Variants in EBF1 observed in about 807,000 individuals in gnomAD.
EBF1 encodes the protein transcription factor COE1.
EBF1 carries 10 observed loss-of-function variants against 68.4 expected under a neutral mutation model. That is an observed-to-expected ratio of 0.15 (90% confidence interval 0.09 to 0.25). EBF1 has a LOEUF of 0.25. Ranked by LOEUF, EBF1 falls within the 10% of genes least tolerant of loss-of-function variation. The pLI is 1.00. For missense variants in EBF1, 509 were observed against 794.4 expected, an observed-to-expected ratio of 0.64 and a Z score of 4.32; for synonymous variants, 298 against 299.8, an observed-to-expected ratio of 0.99 and a Z score of 0.06.
chr5:159,004,665 T>C (rs1763211285), intron 6 of EBF1, among the ~76,000 whole-genome samples: 1 of 152,168 alleles, frequency 6.6e-6, no homozygotes, highest in South Asian at 2.1e-4. Flanking sequence ...ATGAATTCCA[T>C]GTTTCCCTAC....
chr5:159,066,169 G>C (rs528894891), intron 6 of EBF1, among the ~76,000 whole-genome samples: 1 of 152,102 alleles, frequency 6.6e-6, no homozygotes, highest in Non-Finnish European at 1.5e-5. Context: ...CTGCTCTGTA[G>C]CATATGGCAA....
intron 6 of EBF1, among the ~76,000 whole-genome samples, chr5:158,950,548 T>C (rs1457407227): frequency 6.6e-6 from 1 of 152,128 alleles, no homozygotes; most frequent in African/African-American, 2.4e-5. Flanking sequence ...TTCTGAGATC[T>C]AAAAAAGAAA....
intron 6 of EBF1, among the ~76,000 whole-genome samples, chr5:159,013,779 T>C: frequency 6.6e-6 from 1 of 152,086 alleles, no homozygotes; most frequent in Non-Finnish European, 1.5e-5. Flanking sequence ...GGCATAACAC[T>C]CTCTGTCCCA....
intron 6 of EBF1, among the ~76,000 whole-genome samples, chr5:159,034,212 G>T (rs1769552985): frequency 6.6e-6 from 1 of 152,122 alleles, no homozygotes; most frequent in Non-Finnish European, 1.5e-5. Context: ...TGCAAGAAGG[G>T]TTAATCTTGA....
At chr5:159,061,104 T>G (rs1775715114) in intron 6 of EBF1, among the ~76,000 whole-genome samples, 2 of 152,094 alleles carry the variant, frequency 1.3e-5, no homozygotes, top group Non-Finnish European at 2.9e-5. Context: ...ATGCAGGGTG[T>G]GCTGGGTATT....
intron 6 of EBF1, among the ~76,000 whole-genome samples, chr5:158,930,713 A>T (rs1292275523): frequency 6.6e-6 from 1 of 152,168 alleles, no homozygotes; most frequent in East Asian, 1.9e-4. Context: ...CACATTTCTA[A>T]GGCATCTAAT....
At chr5:159,098,882 AAAAAAAGAAAGAAAAAG>A (rs1267752602) in intron 1 of EBF1, among the ~76,000 whole-genome samples, 5 of 149,694 alleles carry the variant, frequency 3.3e-5, no homozygotes, top group African/African-American at 1.0e-4. Flanking sequence ...AGGAGGAAAG[AAAAAAAGAAAGAAAAAG>A]AAAAAAGAAA....
chr5:158,785,933 A>G (rs1162510356), intron 9 of EBF1, among the ~76,000 whole-genome samples: 1 of 152,118 alleles, frequency 6.6e-6, no homozygotes, highest in Non-Finnish European at 1.5e-5. Context: ...TAAGGATATG[A>G]CCTTGGCCTT....
At chr5:158,843,553 A>T (rs900044111) in intron 6 of EBF1, among the ~76,000 whole-genome samples, 1 of 152,198 alleles carries the variant, frequency 6.6e-6, no homozygotes, top group East Asian at 1.9e-4. Context: ...ACAGTGGATC[A>T]CTTGCTGAAA....
chr5:158,908,894 A>T (rs1280820598), intron 6 of EBF1, among the ~76,000 whole-genome samples: 1 of 152,200 alleles, frequency 6.6e-6, no homozygotes, highest in Non-Finnish European at 1.5e-5. Context: ...CTACCTGTCC[A>T]GCCGGGCTGT....
chr5:159,099,556 GA>G lies in EBF1; in HGVS notation c.-79del. On this transcript the variant is annotated 5_prime_UTR_variant, in exon 1 of 16. Coordinates refer to ENST00000313708, the MANE Select transcript of EBF1 (RefSeq NM_024007.5). ...AAAAAAAAAAAGGAAAGAAAAGAAA[GA>G]AAAGAAAAGAAACAAAAACGCCAAC... The G allele has an allele frequency of 2.3e-6, 3 of 1,278,914 alleles. No individual in the cohort carries two copies. The highest frequency in any genetic ancestry group is 1.0e-6 in the Non-Finnish European group (1 of 988,754). The allele number at this position is 1,278,914 out of a possible 1,614,324, so 79.2% of individuals were successfully genotyped here.
At chr5:158,937,458 T>C (rs1295431621) in intron 6 of EBF1, among the ~76,000 whole-genome samples, 1 of 152,008 alleles carries the variant, frequency 6.6e-6, no homozygotes, top group African/African-American at 2.4e-5. Context: ...CAGCCAGGAA[T>C]AAGCAAAGCT....
In EBF1 at chr5:158,930,112, G is replaced by C. The variant is rs543622920; in HGVS notation, c.555-90002C>G. On this transcript the variant is annotated intron_variant, in intron 6 of 15. Coordinates refer to ENST00000313708, the MANE Select transcript of EBF1 (RefSeq NM_024007.5). ...TAATAGATAAAATTCATTACCATAA[G>C]CATTGTACTTTTGAGTGTTAGAAAT... Among the ~76,000 whole-genome samples the C allele has an allele frequency of 2.4e-3, 360 of 152,046 alleles. 2 individuals are homozygous for C. Among genetic ancestry groups the C allele is most frequent in the African/African-American group, 8.3e-3 (343 of 41,498 alleles).
intron 6 of EBF1, among the ~76,000 whole-genome samples, chr5:158,845,005 A>G (rs996694593): frequency 2.0e-5 from 3 of 152,302 alleles, no homozygotes; most frequent in Non-Finnish European, 2.9e-5. Flanking sequence ...GACTCCCCCA[A>G]AAGGAAAATT....
chr5:159,022,845 C>A (rs1766986046), intron 6 of EBF1, among the ~76,000 whole-genome samples: 1 of 151,992 alleles, frequency 6.6e-6, no homozygotes, highest in South Asian at 2.1e-4. Context: ...AGAAAAAATG[C>A]AAGAAGAGCC....
At chr5:159,074,759 T>C (rs1044802503) in intron 5 of EBF1, among the ~76,000 whole-genome samples, 1 of 152,232 alleles carries the variant, frequency 6.6e-6, no homozygotes, top group Non-Finnish European at 1.5e-5. Context: ...GAGTAAGAAC[T>C]GTATCTCCTT....
intron 6 of EBF1, among the ~76,000 whole-genome samples, chr5:158,855,660 G>A (rs572318077): frequency 6.6e-5 from 10 of 152,252 alleles, no homozygotes; most frequent in East Asian, 3.9e-4. Context: ...ATCCTATTAC[G>A]GTGCTTGGCA....
intron 6 of EBF1, among the ~76,000 whole-genome samples, chr5:159,026,480 G>A (rs1409051336): frequency 6.6e-6 from 1 of 152,026 alleles, no homozygotes; most frequent in African/African-American, 2.4e-5. Context: ...AGAACTGTGG[G>A]GGCAGAAATA....
intron 6 of EBF1, among the ~76,000 whole-genome samples, chr5:158,934,548 A>G (rs1811566789): frequency 6.6e-6 from 1 of 152,194 alleles, no homozygotes; most frequent in Non-Finnish European, 1.5e-5. Context: ...CAAATAACTC[A>G]CTCAAAATTC....
Sources: gnomAD v4.1 joint callset for allele counts (sites outside exome capture counted in the v4.1 genomes callset) on GRCh38, gnomAD v4.1.1 for gene constraint, MANE v1.5 for transcripts, NCBI Gene and HGNC (gene_info 2026-07-23, HGNC 2026-07-21) for gene names.